Variants in CATSPERB observed in about 807,000 individuals in gnomAD.
CATSPERB encodes the protein catsper channel auxiliary subunit beta.
In CATSPERB, 93 loss-of-function variants were observed where a neutral mutation model predicts 128.3. The ratio of observed to expected loss-of-function variants is 0.72; its 90% confidence interval spans 0.61 to 0.86. The LOEUF (loss-of-function observed/expected upper bound fraction) is 0.86, where lower values mean the gene tolerates loss of function less well. Ranked by LOEUF, CATSPERB falls within the 40% of genes least tolerant of loss-of-function variation. The probability of loss-of-function intolerance (pLI) is 0.00; values close to 1 mark genes in which losing one functional copy is unlikely to be tolerated. For missense variants in CATSPERB, 1,153 were observed against 1,329.5 expected, an observed-to-expected ratio of 0.87 and a Z score of 2.06; for synonymous variants, 381 against 448.8, an observed-to-expected ratio of 0.85 and a Z score of 1.91.
chr14:91,631,170 T>A (rs1894269435), intron 17 of CATSPERB, among the ~76,000 whole-genome samples: 1 of 152,182 alleles, frequency 6.6e-6, no homozygotes, highest in Non-Finnish European at 1.5e-5. Flanking sequence ...TAGAATGTCA[T>A]CTCCATGCAG....
At chr14:91,720,041 A>G (rs974784778) in intron 4 of CATSPERB, among the ~76,000 whole-genome samples, 2 of 152,216 alleles carry the variant, frequency 1.3e-5, no homozygotes, top group African/African-American at 4.8e-5. Context: ...AAGATCTTAG[A>G]GACGTGTGGT....
chr14:91,723,219 C>T (rs1325423227), intron 3 of CATSPERB, 30 bp from the exon 4 acceptor site: 40 of 1,409,778 alleles, frequency 2.8e-5, no homozygotes, highest in Non-Finnish European at 3.4e-5. Context: ...AAAAAAACAA[C>T]TAATAACCAC....
chr14:91,654,291 C>T (rs569461877), intron 15 of CATSPERB, among the ~76,000 whole-genome samples: 93 of 152,226 alleles, frequency 6.1e-4, no homozygotes, highest in Middle Eastern at 6.8e-3. Flanking sequence ...GGACAATTCA[C>T]GAAGTGGGCT....
At chr14:91,676,921 C>T (rs1273580716) in intron 11 of CATSPERB, among the ~76,000 whole-genome samples, 1 of 152,154 alleles carries the variant, frequency 6.6e-6, no homozygotes, top group Non-Finnish European at 1.5e-5. Context: ...TAACACCACA[C>T]ATCTACAACC....
chr14:91,726,119 A>C (rs1271037177), intron 2 of CATSPERB, among the ~76,000 whole-genome samples: 2 of 151,322 alleles, frequency 1.3e-5, no homozygotes, highest in Non-Finnish European at 2.9e-5. Flanking sequence ...ATTCAGTAAA[A>C]CCCCTGCATT....
At chr14:91,625,204 C>T (rs1356345673) in intron 17 of CATSPERB, among the ~76,000 whole-genome samples, 197 bp from the exon 18 acceptor site, 2 of 152,092 alleles carry the variant, frequency 1.3e-5, no homozygotes, top group Non-Finnish European at 2.9e-5. Context: ...CTAAAATTAG[C>T]GAAGATCTTT....
In CATSPERB at chr14:91,725,186, T is replaced by C. The variant is rs1266872294; in HGVS notation, c.80-18A>G. The C allele has an allele frequency of 1.3e-5, 16 of 1,270,578 alleles. No individual in the cohort carries two copies. The highest frequency in any genetic ancestry group is 1.6e-5 in the Non-Finnish European group (15 of 924,728). 78.7% of individuals were successfully genotyped at this position (1,270,578 alleles called of 1,614,324 possible). ...TGTATCATCTAAATAATAAAAAAAA[T>C]ACATATATTAGATCACTGATAGAAG... is the stretch of plus-strand genomic sequence containing the variant. On this transcript the variant is annotated intron_variant, in intron 2 of 26. Coordinates refer to ENST00000256343, the MANE Select transcript of CATSPERB (RefSeq NM_024764.4).
At chr14:91,718,186 G>A (rs118081200) in intron 5 of CATSPERB, among the ~76,000 whole-genome samples, 534 of 152,208 alleles carry the variant, frequency 3.5e-3, no homozygotes, top group Admixed American at 7.4e-3. Context: ...AGGCTACATC[G>A]AAAATAAGTA....
chr14:91,610,761 C>T, intron 20 of CATSPERB, 84 bp from the exon 21 acceptor site: 2 of 1,237,182 alleles, frequency 1.6e-6, no homozygotes, highest in South Asian at 2.7e-5. Context: ...CATGTTGAAA[C>T]CCCAACCTCC....
intron 16 of CATSPERB, 145 bp downstream of exon 16, chr14:91,638,951 G>A: frequency 1.5e-6 from 1 of 653,808 alleles, no homozygotes; most frequent in Non-Finnish European, 2.5e-6. Flanking sequence ...GCACATGGAG[G>A]TTCTTCCTTT....
At position 91,662,396 on chromosome 14, in the gene CATSPERB, T is replaced by C. The variant is rs959245521; in HGVS notation, c.1288-2415A>G. ...CATACAGCTCAGTTCATTTGCTTTT[T>C]CATTTCCATATAATAGTTCATTAGG... On this transcript the variant is annotated intron_variant, in intron 14 of 26. Transcript: ENST00000256343. Among the ~76,000 whole-genome samples, 4 of 152,248 alleles carry C rather than the reference T, an allele frequency of 2.6e-5. 1 individual carries two copies. The highest frequency in any genetic ancestry group is 7.2e-5 in the African/African-American group (3 of 41,466).
In CATSPERB at chr14:91,673,034, GA is replaced by G. The variant is rs750894652; in HGVS notation, c.979-19del. 2 of 1,554,918 alleles carry G rather than the reference GA, an allele frequency of 1.3e-6. No homozygotes were observed. The highest frequency in any genetic ancestry group is 1.7e-6 in the Non-Finnish European group (2 of 1,160,774). On this transcript the variant is annotated intron_variant, in intron 12 of 26. Transcript: ENST00000256343. ...GAGCTTGACTATAAAAAAAAGAAGG[GA>G]AAAATTAATGCTGTTTTTGAAATAT...
chr14:91,694,354 G>A (rs955324905), intron 7 of CATSPERB, among the ~76,000 whole-genome samples: 1 of 150,064 alleles, frequency 6.7e-6, no homozygotes, highest in African/African-American at 2.4e-5. Context: ...TGAGGTGAGA[G>A]GATCGGTTGA....
chr14:91,581,171 T>G, intron 26 of CATSPERB, 64 bp from the exon 27 acceptor site: 1 of 1,305,978 alleles, frequency 7.7e-7, no homozygotes, highest in Non-Finnish European at 1.1e-6. Flanking sequence ...ACTGAAAATT[T>G]AATGTTCCCC....
intron 11 of CATSPERB, 109 bp from the exon 12 acceptor site, chr14:91,674,331 A>T (rs2139833138): frequency 1.5e-6 from 1 of 679,824 alleles, no homozygotes. Flanking sequence ...TATTTTTGCA[A>T]GTAAACTTAT....
At chr14:91,699,518 T>A (rs1895612454) in intron 7 of CATSPERB, among the ~76,000 whole-genome samples, 1 of 151,814 alleles carries the variant, frequency 6.6e-6, no homozygotes, top group African/African-American at 2.4e-5. Context: ...TTGATTTGCA[T>A]ATGTTGAACC....
intron 24 of CATSPERB, among the ~76,000 whole-genome samples, chr14:91,589,102 T>G (rs1208091497): frequency 6.6e-6 from 1 of 152,210 alleles, no homozygotes; most frequent in Non-Finnish European, 1.5e-5. Context: ...TTTCAATTAT[T>G]TTACCATAAA....
chr14:91,675,214 T>C (rs1895172521), intron 11 of CATSPERB, among the ~76,000 whole-genome samples: 2 of 152,218 alleles, frequency 1.3e-5, no homozygotes, highest in South Asian at 4.1e-4. Flanking sequence ...TGCTACTGGA[T>C]GGGACAAGAG....
chr14:91,727,781 T>C (rs1896142022), intron 2 of CATSPERB, among the ~76,000 whole-genome samples: 1 of 152,050 alleles, frequency 6.6e-6, no homozygotes, highest in Non-Finnish European at 1.5e-5. Context: ...CTCTGAGCCA[T>C]TAAGGCTCAA....
Sources: gnomAD v4.1 joint callset for allele counts (sites outside exome capture counted in the v4.1 genomes callset) on GRCh38, gnomAD v4.1.1 for gene constraint, MANE v1.5 for transcripts, NCBI Gene and HGNC (gene_info 2026-07-23, HGNC 2026-07-21) for gene names.